The following SAE1 variants were observed in gnomAD, a reference collection of about 807,000 sequenced individuals.
SAE1 encodes the protein SUMO1 activating enzyme subunit 1.
Under a neutral mutation model 40.6 loss-of-function variants are expected in SAE1, and 11 were observed. The observed-to-expected ratio is 0.27, with a 90% CI of 0.17 to 0.45. SAE1 has a LOEUF of 0.45. Ranked by LOEUF, SAE1 falls within the 20% of genes least tolerant of loss-of-function variation. The pLI, the probability that SAE1 is intolerant of heterozygous loss-of-function variation, is 1.00. For synonymous variants in SAE1, 155 were observed against 154.3 expected (o/e 1.00, Z -0.03); for missense variants, 373 against 427.3 (o/e 0.87, Z 1.12).
chr19:47,204,420 G>A lies in SAE1; in HGVS notation c.948+680G>A, dbSNP rs563288393. On this transcript the variant is annotated intron_variant, in intron 8 of 8. Coordinates refer to ENST00000270225, the MANE Select transcript of SAE1 (RefSeq NM_005500.3). ...TCACTGTGTTAGCCAGGATGGTCTG[G>A]ATCTCCTGACATCGTGATCTGCCCA... 1.1e-4 allele frequency among the ~76,000 whole-genome samples: 16 copies of A among 150,216 alleles called. No homozygotes were observed. In the East Asian group the frequency reaches 2.4e-3, roughly 22 times the overall value.
intron 7 of SAE1, among the ~76,000 whole-genome samples, chr19:47,197,882 A>G (rs1174427815): frequency 6.6e-6 from 1 of 152,172 alleles, no homozygotes; most frequent in East Asian, 1.9e-4. Context: ...GGAGGAAGGG[A>G]GTTGCTGGGT....
At chr19:47,191,970 C>A (rs377363244) in intron 6 of SAE1, among the ~76,000 whole-genome samples, 1 of 151,162 alleles carries the variant, frequency 6.6e-6, no homozygotes, top group African/African-American at 2.4e-5. Context: ...AGGAGAATGG[C>A]GTGAACCCGG....
At chr19:47,145,117 C>T (rs1451256587) in intron 2 of SAE1, among the ~76,000 whole-genome samples, 1 of 152,086 alleles carries the variant, frequency 6.6e-6, no homozygotes, top group Non-Finnish European at 1.5e-5. Context: ...ATTCTCCTGC[C>T]TCAATCTCCC....
At chr19:47,136,281 G>C (rs1230280041) in intron 1 of SAE1, among the ~76,000 whole-genome samples, 1 of 151,734 alleles carries the variant, frequency 6.6e-6, no homozygotes, top group East Asian at 1.9e-4. Context: ...TGAGATTACA[G>C]GCACCTGCCA....
intron 5 of SAE1, among the ~76,000 whole-genome samples, chr19:47,157,420 T>TA (rs2058331210): frequency 6.6e-6 from 1 of 152,208 alleles, no homozygotes; most frequent in African/African-American, 2.4e-5. Flanking sequence ...CACACCCTCT[T>TA]ACAAGTGTGA....
intron 8 of SAE1, 105 bp from the exon 9 acceptor site, chr19:47,209,054 G>A (rs1165617035): frequency 4.7e-6 from 5 of 1,075,118 alleles, no homozygotes; most frequent in Non-Finnish European, 5.4e-6. Flanking sequence ...GAGCAAAATC[G>A]ACCCCAGTTA....
At chr19:47,205,700 T>C (rs984978399) in intron 8 of SAE1, among the ~76,000 whole-genome samples, 6 of 152,190 alleles carry the variant, frequency 3.9e-5, no homozygotes, top group Non-Finnish European at 8.8e-5. Flanking sequence ...CAAGACTTAC[T>C]GAAAGCCCAC....
At chr19:47,187,781 C>CA (rs1281540433) in intron 6 of SAE1, among the ~76,000 whole-genome samples, 1 of 152,174 alleles carries the variant, frequency 6.6e-6, no homozygotes, top group Non-Finnish European at 1.5e-5. Flanking sequence ...CTTGGCCTCT[C>CA]AAAGTGCTGG....
At chr19:47,132,247 G>T (rs546624276) in intron 1 of SAE1, among the ~76,000 whole-genome samples, 1 of 151,492 alleles carries the variant, frequency 6.6e-6, no homozygotes, top group African/African-American at 2.4e-5. Flanking sequence ...ACAGACGTGA[G>T]CCACTGTGCC....
At chr19:47,136,538 C>T (rs1288619321) in intron 1 of SAE1, among the ~76,000 whole-genome samples, 1 of 146,424 alleles carries the variant, frequency 6.8e-6, no homozygotes, top group Non-Finnish European at 1.5e-5. Flanking sequence ...TCTTGTTACC[C>T]AGACTGGAGT....
intron 6 of SAE1, among the ~76,000 whole-genome samples, chr19:47,174,786 G>A (rs1374177981): frequency 6.6e-6 from 1 of 151,514 alleles, no homozygotes; most frequent in African/African-American, 2.4e-5. Flanking sequence ...TGTTAGCCAG[G>A]ATGGTCTCGA....
At chr19:47,154,263 G>A (rs1568590902) in intron 4 of SAE1, among the ~76,000 whole-genome samples, 1 of 150,616 alleles carries the variant, frequency 6.6e-6, no homozygotes, top group Admixed American at 6.6e-5. Flanking sequence ...GCAAATTTTT[G>A]TATTTTTAGC....
chr19:47,201,139 C>T (rs1193014478), intron 7 of SAE1, among the ~76,000 whole-genome samples: 1 of 151,804 alleles, frequency 6.6e-6, no homozygotes, highest in Non-Finnish European at 1.5e-5. Context: ...CCTCTGTGCT[C>T]TGTGGTTCAA....
intron 6 of SAE1, among the ~76,000 whole-genome samples, chr19:47,174,563 A>ATTTTTTTTT (rs71180803): frequency 1.2e-4 from 11 of 88,526 alleles, no homozygotes; most frequent in African/African-American, 4.5e-4. Context: ...CGCCTGGCAA[A>ATTTTTTTTT]TTTTTTTTTT....
At chr19:47,183,913 C>A (rs2058526576) in intron 6 of SAE1, among the ~76,000 whole-genome samples, 1 of 152,226 alleles carries the variant, frequency 6.6e-6, no homozygotes, top group Admixed American at 6.5e-5. Flanking sequence ...GTAGAGGGCT[C>A]TGTCAGAACA....
At chr19:47,207,872 G>A (rs2058694115) in intron 8 of SAE1, among the ~76,000 whole-genome samples, 1 of 152,174 alleles carries the variant, frequency 6.6e-6, no homozygotes, top group South Asian at 2.1e-4. Flanking sequence ...CTGGGCTCAA[G>A]TGATTCTCCC....
chr19:47,145,405 C>A (rs1313642429), intron 2 of SAE1, among the ~76,000 whole-genome samples: 1 of 152,120 alleles, frequency 6.6e-6, no homozygotes, highest in Non-Finnish European at 1.5e-5. Flanking sequence ...CCTCGGCCTC[C>A]CAAAGTGCGG....
chr19:47,154,958 T>G (rs754716355), intron 4 of SAE1, among the ~76,000 whole-genome samples, 156 bp from the exon 5 acceptor site: 5 of 152,208 alleles, frequency 3.3e-5, no homozygotes, highest in Non-Finnish European at 7.3e-5. Context: ...AGACTCATCA[T>G]GTTATCAATG....
At chr19:47,196,333 C>CTTTTTTTTTTTTTTTTTT (rs61498882) in intron 6 of SAE1, among the ~76,000 whole-genome samples, 1 of 27,888 alleles carries the variant, frequency 3.6e-5, no homozygotes, top group Non-Finnish European at 5.5e-5. Context: ...CCGCGCCTGG[C>CTTTTTTTTTTTTTTTTTT]TTTTTTTTTT....
Sources: allele counts gnomAD v4.1 joint callset (sites outside exome capture counted in the v4.1 genomes callset), GRCh38; gene constraint gnomAD v4.1.1; transcripts MANE v1.5; gene names NCBI Gene and HGNC (gene_info 2026-07-23, HGNC 2026-07-21).